The following COL21A1 variants were observed in gnomAD, a reference collection of about 807,000 sequenced individuals.
COL21A1 encodes the protein collagen alpha-1(XXI) chain.
In COL21A1, 149 loss-of-function variants were observed where a neutral mutation model predicts 137.9. The observed-to-expected ratio is 1.08, with a 90% CI of 0.95 to 1.24. The LOEUF (loss-of-function observed/expected upper bound fraction) is 1.24. Ranked by LOEUF, COL21A1 falls within the 50% of genes most tolerant of loss-of-function variation. The pLI is 0.00. For missense variants in COL21A1, 1,167 were observed against 1,158.4 expected (o/e 1.01, Z -0.11); for synonymous variants, 456 against 391.5 (o/e 1.16, Z -1.95).
intron 1 of COL21A1, among the ~76,000 whole-genome samples, chr6:56,390,097 ACAAT>A (rs2094026238): frequency 6.6e-6 from 1 of 152,314 alleles, no homozygotes; most frequent in South Asian, 2.1e-4. Flanking sequence ...AGAAGACAAA[ACAAT>A]CAAAGAATAA....
At chr6:56,308,126 C>A (rs1244457872) in intron 1 of COL21A1, among the ~76,000 whole-genome samples, 1 of 152,092 alleles carries the variant, frequency 6.6e-6, no homozygotes, top group Non-Finnish European at 1.5e-5. Flanking sequence ...GGCCTTTTGG[C>A]GAGTGATTAA....
intron 10 of COL21A1, among the ~76,000 whole-genome samples, chr6:56,154,473 T>C (rs893568549): frequency 6.6e-6 from 1 of 152,178 alleles, no homozygotes; most frequent in African/African-American, 2.4e-5. Flanking sequence ...TGATTCTTCT[T>C]TGATTCCTCT....
At chr6:56,171,946 T>C (rs752669392) in intron 3 of COL21A1, among the ~76,000 whole-genome samples, 3 of 151,714 alleles carry the variant, frequency 2.0e-5, no homozygotes, top group Non-Finnish European at 2.9e-5. Flanking sequence ...AACTCAATAA[T>C]TGGTCATTTG....
In COL21A1 at chr6:56,312,717, A is replaced by G. The variant is rs529908239; in HGVS notation, c.-39+81254T>C. ...AGGCCGAAAAATATGAATGGTAGTG[A>G]AAAAGAAAACATTATAAGACACAAG... is the stretch of plus-strand genomic sequence containing the variant. On this transcript the variant is annotated intron_variant, in intron 1 of 28. Coordinates refer to the COL21A1 transcript ENST00000370819. 8.3e-3 allele frequency among the ~76,000 whole-genome samples: 280 copies of G among 33,730 alleles called. 1 individual carries two copies. Among genetic ancestry groups the G allele is most frequent in the African/African-American group, 0.011 (269 of 25,100 alleles). 22.1% of individuals were successfully genotyped at this position (33,730 alleles called of 152,430 possible). A position where few individuals can be genotyped will look rare whatever the true frequency, so the allele number is the denominator to read the frequency against.
intron 1 of COL21A1, among the ~76,000 whole-genome samples, chr6:56,192,756 A>G (rs965457654): frequency 3.3e-5 from 5 of 152,214 alleles, no homozygotes; most frequent in African/African-American, 1.2e-4. Flanking sequence ...AATTAGTTCA[A>G]CCATTGTGGA....
chr6:56,057,754 A>T lies in COL21A1; in HGVS notation c.2777T>A (p.Ile926Asn). 6.2e-7 allele frequency: 1 copy of T among 1,611,874 alleles called. No individual in the cohort carries two copies. Among genetic ancestry groups the T allele is most frequent in the South Asian group, 1.1e-5 (1 of 90,760 alleles). ...GCCTGGGGGGCCTGGTTGCCCTTGG[A>T]TTCCAGGTTTTCCATGGTCTCCATC... The part of the protein sequence containing the change: ...GKDGDHGKPG[I>N]QGQPGPPGIC... The change falls in exon 30 of 30, where the codon ATC becomes AAC. Residue 926 changes from isoleucine to asparagine, a missense_variant. Ile to Asn is a moderately radical substitution (Grantham distance 149). Transcript: ENST00000244728.
chr6:56,070,444 T>C (rs1766643268), intron 21 of COL21A1, among the ~76,000 whole-genome samples: 1 of 151,590 alleles, frequency 6.6e-6, no homozygotes, highest in African/African-American at 2.4e-5. Flanking sequence ...GCTCCTGTTT[T>C]CAGCTGTTTA....
chr6:56,330,535 GT>G (rs958377856), intron 1 of COL21A1, among the ~76,000 whole-genome samples: 137 of 152,110 alleles, frequency 9.0e-4, no homozygotes, highest in Middle Eastern at 3.4e-3. Flanking sequence ...TGGATTTAGG[GT>G]TGCAAGGGCA....
chr6:56,192,716 G>C (rs1436576019), intron 1 of COL21A1, among the ~76,000 whole-genome samples: 1 of 152,194 alleles, frequency 6.6e-6, no homozygotes, highest in East Asian at 1.9e-4. Context: ...GGAGAAATAG[G>C]AATGCTTTTA....
At chr6:56,341,370 T>C (rs1249653557) in intron 1 of COL21A1, among the ~76,000 whole-genome samples, 1 of 152,214 alleles carries the variant, frequency 6.6e-6, no homozygotes, top group Non-Finnish European at 1.5e-5. Flanking sequence ...ACATTTGTTG[T>C]GGTAAATCCA....
At chr6:56,151,205 G>A (rs137877504) in intron 10 of COL21A1, among the ~76,000 whole-genome samples, 3,185 of 152,238 alleles carry the variant, frequency 0.021, 71 homozygotes, top group African/African-American at 0.05. Flanking sequence ...CAGCCTGGAC[G>A]ACAGAGCAAG....
At chr6:56,377,281 G>A (rs558050188) in intron 1 of COL21A1, among the ~76,000 whole-genome samples, 15 of 152,000 alleles carry the variant, frequency 9.9e-5, no homozygotes, top group African/African-American at 1.5e-4. Context: ...GAGCCACCGC[G>A]CCCGGCCCGG....
intron 23 of COL21A1, among the ~76,000 whole-genome samples, chr6:56,066,680 G>A (rs1390113637): frequency 6.6e-6 from 1 of 151,682 alleles, no homozygotes; most frequent in Non-Finnish European, 1.5e-5. Flanking sequence ...TCAGTCTTCA[G>A]TGAATGAAAA....
chr6:56,249,326 AT>A (rs1400785664), upstream of COL21A1, among the ~76,000 whole-genome samples: 2 of 152,332 alleles, frequency 1.3e-5, no homozygotes, highest in East Asian at 3.9e-4. Context: ...AAAATGTTCA[AT>A]GTAGAGTTAA....
rs1248860748 is a variant in COL21A1, at chr6:56,057,688, C to T, written c.2843G>A (p.Arg948Lys). 6.8e-6 allele frequency: 11 copies of T among 1,613,270 alleles called. No homozygotes were observed. Among genetic ancestry groups the T allele is most frequent in the Non-Finnish European group, 9.3e-6 (11 of 1,179,588 alleles). ...PSLCFSVIAR[R>K]DPFRKGPNY Reference sequence around the variant, plus strand: ...GTTTGGTCCTTTTCTGAACGGATCTCTTCTGGCAATTACACTAAAACATAG... The same window carrying T: ...GTTTGGTCCTTTTCTGAACGGATCTTTTCTGGCAATTACACTAAAACATAG... The change falls in exon 30 of 30, where the codon AGA (arginine) becomes AAA (lysine). Residue 948 changes from arginine to lysine, a missense_variant. Coordinates refer to ENST00000244728, the MANE Select transcript of COL21A1 (RefSeq NM_030820.4).
At chr6:56,348,610 C>T (rs776725982) in intron 1 of COL21A1, among the ~76,000 whole-genome samples, 2 of 152,056 alleles carry the variant, frequency 1.3e-5, no homozygotes, top group African/African-American at 4.8e-5. Context: ...CAAGGGGAGA[C>T]GACAACTTGC....
At chr6:56,150,514 T>TCTCACA (rs1186958042) in intron 10 of COL21A1, among the ~76,000 whole-genome samples, 2 of 46,180 alleles carry the variant, frequency 4.3e-5, no homozygotes, top group Non-Finnish European at 3.5e-5. Flanking sequence ...CGAGACTCCA[T>TCTCACA]CACACACACA....
intron 17 of COL21A1, among the ~76,000 whole-genome samples, chr6:56,079,003 T>C (rs1767493856): frequency 6.6e-6 from 1 of 151,728 alleles, no homozygotes; most frequent in Admixed American, 6.6e-5. Context: ...AAATGAATTG[T>C]ACCTTCTTAG....
At chr6:56,122,846 T>C (rs1021659722) in intron 16 of COL21A1, among the ~76,000 whole-genome samples, 6 of 152,214 alleles carry the variant, frequency 3.9e-5, no homozygotes, top group African/African-American at 1.4e-4. Context: ...CATACCATTC[T>C]AGATAGGTAA....
Sources: gnomAD v4.1 joint callset for allele counts (sites outside exome capture counted in the v4.1 genomes callset) on GRCh38, gnomAD v4.1.1 for gene constraint, MANE v1.5 for transcripts, NCBI Gene and HGNC (gene_info 2026-07-23, HGNC 2026-07-21) for gene names.